LARP7: variants seen among roughly 807,000 people sequenced by gnomAD.
The protein encoded by LARP7 is la-related protein 7.
LARP7 carries 52 observed loss-of-function variants against 69.3 expected under a neutral mutation model. The observed-to-expected ratio is 0.75, with a 90% CI of 0.60 to 0.95. The LOEUF is 0.95. Ranked by LOEUF, LARP7 falls within the 40% of genes least tolerant of loss-of-function variation. LARP7 has a pLI of 0.00. For synonymous variants in LARP7, 254 were observed against 215.9 expected, an observed-to-expected ratio of 1.18 and a Z score of -1.55; for missense variants, 733 against 673.0, an observed-to-expected ratio of 1.09 and a Z score of -0.99.
chr4:112,648,279 TCCTTTA>T (rs2048462712), intron 8 of LARP7: 2 of 524,600 alleles, frequency 3.8e-6, no homozygotes, highest in Non-Finnish European at 3.9e-6. Context: ...AAAGTTAGAA[TCCTTTA>T]ACCTGTAACA....
At chr4:112,655,085 G>A (rs2149288198) in intron 12 of LARP7, among the ~76,000 whole-genome samples, 1 of 151,670 alleles carries the variant, frequency 6.6e-6, no homozygotes, top group Admixed American at 6.6e-5. Context: ...ATCGTGATTT[G>A]TGGGGAGGTG....
intron 2 of LARP7, 27 bp downstream of exon 2, chr4:112,644,898 AT>A: frequency 8.7e-7 from 1 of 1,148,264 alleles, no homozygotes; most frequent in Non-Finnish European, 1.2e-6. Context: ...AAAGGAACCA[AT>A]TTTTAGATAT....
At chr4:112,647,602 T>TTTTTAATTAATTAGC in intron 7 of LARP7, 53 bp downstream of exon 7, 1 of 1,460,352 alleles carries the variant, frequency 6.8e-7, no homozygotes, top group Non-Finnish European at 9.1e-7. Flanking sequence ...AATTAATTAG[T>TTTTTAATTAATTAGC]TTTTAATTAA....
intron 1 of LARP7, among the ~76,000 whole-genome samples, chr4:112,639,249 G>A (rs1320604443): frequency 7.5e-6 from 1 of 133,680 alleles, no homozygotes; most frequent in Non-Finnish European, 1.6e-5. Context: ...TTGCCCTGCC[G>A]CCCAGGTTGG....
chr4:112,646,611 C>T lies in LARP7; in HGVS notation c.327C>T (p.Ile109=), dbSNP rs540902339. 35 of 1,598,282 alleles carry T rather than the reference C, an allele frequency of 2.2e-5. 1 individual carries two copies. The South Asian group carries it at 4.0e-4, about 18-fold the overall frequency. Residue 109 remains isoleucine, a synonymous_variant, in exon 4 of 13, where the codon ATC becomes ATT. Transcript: ENST00000344442. The stretch of plus-strand genomic sequence containing the variant: ...AGCTTGATTTGGAAGGCACCAGAAT[C>T]CGGAGGAAAAAACCTCTGGGGGAAA... ...VVELDLEGTR[I]RRKKPLGERP... is the part of the protein sequence containing the mutation.
At chr4:112,646,003 T>G (rs991147293) in intron 2 of LARP7, among the ~76,000 whole-genome samples, 2 of 129,024 alleles carry the variant, frequency 1.6e-5, no homozygotes, top group African/African-American at 3.6e-5. Flanking sequence ...CAGTTTTTTT[T>G]TGTTTGTTTT....
At position 112,653,125 on chromosome 4, in the gene LARP7, G is replaced by T; in HGVS notation, c.1465G>T (p.Gly489Trp). 6.2e-7 allele frequency: 1 copy of T among 1,608,996 alleles called. No individual in the cohort carries two copies. The highest frequency in any genetic ancestry group is 8.5e-7 in the Non-Finnish European group (1 of 1,177,926). The change falls in exon 11 of 13, where the codon GGG becomes TGG. Residue 489 changes from glycine (G) to tryptophan (W), a missense_variant. By Grantham distance (184) the Gly-to-Trp change is radical. Transcript: ENST00000344442. ...AGTTCTTTATGTTGATTTGCTAGAA[G>T]GGGATACAGAATGCCATGCTAGATT... ...SEVLYVDLLE[G>W]DTECHARFKT...
chr4:112,645,732 G>C (rs115132580), intron 2 of LARP7: 34,706 of 397,420 alleles, frequency 0.087, 2,099 homozygotes, highest in East Asian at 0.23. Flanking sequence ...ATGTTGCCCA[G>C]GCTGGTCTTG....
At position 112,646,745 on chromosome 4, in the gene LARP7, C is replaced by T. The variant is rs199986235; in HGVS notation, c.388-46C>T. 8.4e-6 allele frequency: 13 copies of T among 1,551,014 alleles called. No individual in the cohort carries two copies. In the Admixed American group the frequency reaches 1.8e-4, roughly 22 times the overall value. On this transcript the variant is annotated intron_variant, in intron 4 of 12. Transcript: ENST00000344442. ...TATAATTAAGTTAAAAATTTATTGA[C>T]ATTCTGATTGTGAAAAACTCTAATA...
chr4:112,645,427 A>G (rs2048144644), intron 2 of LARP7: 3 of 440,198 alleles, frequency 6.8e-6, no homozygotes, highest in Admixed American at 5.0e-5. Context: ...AATTGCTTCA[A>G]TAACCATTCA....
In LARP7 at chr4:112,646,480, ATTTATAG is replaced by A. The variant is rs1246194388; in HGVS notation, c.303+36_303+42del. ...AGAATCAAGAATAACTACTGTTTAT[ATTTATAG>A]TTTATAATTATAAAGAATGTTAACG... On this transcript the variant is annotated intron_variant, in intron 3 of 12. Coordinates refer to ENST00000344442, the MANE Select transcript of LARP7 (RefSeq NM_016648.4). 5.8e-6 allele frequency: 8 copies of A among 1,375,664 alleles called. No individual in the cohort carries two copies. The African/African-American group carries it at 8.9e-5, about 15-fold the overall frequency. 85.2% of individuals were successfully genotyped at this position (1,375,664 alleles called of 1,614,324 possible).
At chr4:112,652,299 C>T (rs1204640150) in intron 10 of LARP7, among the ~76,000 whole-genome samples, 1 of 138,996 alleles carries the variant, frequency 7.2e-6, no homozygotes, top group Non-Finnish European at 1.6e-5. Flanking sequence ...GATTTCCCCC[C>T]CCCCCCCATT....
In LARP7 at chr4:112,650,663, G is replaced by A. The variant is rs566193150; in HGVS notation, c.1416+81G>A. 81 of 1,386,168 alleles carry A rather than the reference G, an allele frequency of 5.8e-5. 1 individual carries two copies. The highest frequency in any genetic ancestry group is 1.3e-4 in the East Asian group (5 of 39,982). 85.9% of individuals were successfully genotyped at this position (1,386,168 alleles called of 1,614,324 possible). On this transcript the variant is annotated intron_variant, in intron 10 of 12. Coordinates refer to ENST00000344442, the MANE Select transcript of LARP7 (RefSeq NM_016648.4). ...GTGTGAAAATGTTTTGAATATGGAA[G>A]ATAAAACAAATCAAGTTAGAATTTG...
intron 1 of LARP7, among the ~76,000 whole-genome samples, chr4:112,642,018 G>A (rs1297703118): frequency 6.6e-6 from 1 of 152,182 alleles, no homozygotes; most frequent in African/African-American, 2.4e-5. Context: ...AGTGGGAGAG[G>A]TAGGGTGAAA....
At chr4:112,637,536 T>C (rs1041978917) in intron 1 of LARP7, 1 of 152,242 alleles carries the variant, frequency 6.6e-6, no homozygotes, top group Non-Finnish European at 1.5e-5. Context: ...AGAGAAGCAG[T>C]AGTCAATAAA....
At chr4:112,652,984 C>T in intron 10 of LARP7, 93 bp from the exon 11 acceptor site, 1 of 907,718 alleles carries the variant, frequency 1.1e-6, no homozygotes, top group Non-Finnish European at 1.6e-6. Flanking sequence ...GCTTTATTTA[C>T]ATAATATATT....
intron 9 of LARP7, chr4:112,650,073 T>C (rs2048647595): frequency 5.5e-6 from 1 of 182,256 alleles, no homozygotes; most frequent in South Asian, 1.3e-4. Flanking sequence ...TTAGGATACA[T>C]TTTAAATTCT....
chr4:112,651,367 G>C (rs1339982593), intron 10 of LARP7, among the ~76,000 whole-genome samples: 1 of 152,060 alleles, frequency 6.6e-6, no homozygotes, highest in Non-Finnish European at 1.5e-5. Flanking sequence ...CAATCCTATA[G>C]CTGTCACTAA....
rs950246805 is a variant in LARP7 at position 112,649,564 on chromosome 4, A to G, written c.1172A>G (p.Tyr391Cys). ...GAATGGATGGATTTGAAAAAAGAGTATTTAGCGCTACAAAAAGCTAGCATG... is the reference window on the plus strand; with the variant it reads ...GAATGGATGGATTTGAAAAAAGAGTGTTTAGCGCTACAAAAAGCTAGCATG... ...KSEWMDLKKE[Y>C]LALQKASMAS... is the part of the protein sequence containing the mutation. The change falls in exon 9 of 13, where the codon TAT becomes TGT. Residue 391 changes from tyrosine (Y) to cysteine (C), a missense_variant. Transcript: ENST00000344442. 6.2e-7 allele frequency: 1 copy of G among 1,605,482 alleles called. No homozygotes were observed. The highest frequency in any genetic ancestry group is 8.5e-7 in the Non-Finnish European group (1 of 1,175,902).
Sources: gnomAD v4.1 joint callset for allele counts (sites outside exome capture counted in the v4.1 genomes callset) on GRCh38, gnomAD v4.1.1 for gene constraint, MANE v1.5 for transcripts, NCBI Gene and HGNC (gene_info 2026-07-23, HGNC 2026-07-21) for gene names.